PAG1: variants seen among roughly 807,000 people sequenced by gnomAD.
PAG1 encodes phosphoprotein membrane anchor with glycosphingolipid microdomains 1, also known as phosphoprotein associated with glycosphingolipid-enriched microdomains 1.
Under a neutral mutation model 31.7 loss-of-function variants are expected in PAG1, and 23 were observed. That is an observed-to-expected ratio of 0.73 (90% CI 0.52 to 1.03). PAG1 has a LOEUF of 1.03. Ranked by LOEUF, PAG1 falls within the 50% of genes least tolerant of loss-of-function variation. The probability of loss-of-function intolerance (pLI) is 0.00; values close to 1 mark genes in which losing one functional copy is unlikely to be tolerated. For missense variants in PAG1, 473 were observed against 540.7 expected, an observed-to-expected ratio of 0.87 and a Z score of 1.24; for synonymous variants, 214 against 210.3, an observed-to-expected ratio of 1.02 and a Z score of -0.15.
intron 1 of PAG1, among the ~76,000 whole-genome samples, chr8:81,070,638 G>A (rs1332484003): frequency 6.8e-6 from 1 of 146,304 alleles, no homozygotes; most frequent in Admixed American, 6.9e-5. Context: ...GCCTCAAGAA[G>A]ATGAAAGTCT....
chr8:81,066,135 C>T (rs1372424322), intron 2 of PAG1, among the ~76,000 whole-genome samples: 2 of 152,184 alleles, frequency 1.3e-5, no homozygotes, highest in Non-Finnish European at 2.9e-5. Flanking sequence ...TTGGTGTCAA[C>T]AAGAGATTGT....
intron 3 of PAG1, among the ~76,000 whole-genome samples, chr8:81,024,748 C>A (rs189538583): frequency 1.8e-4 from 27 of 152,258 alleles, no homozygotes; most frequent in Admixed American, 3.3e-4. Context: ...TCATAGTTCC[C>A]TTTTCAAACT....
chr8:81,108,975 C>A (rs930513778), intron 1 of PAG1, among the ~76,000 whole-genome samples: 2 of 152,176 alleles, frequency 1.3e-5, no homozygotes, highest in Non-Finnish European at 2.9e-5. Context: ...TTACTGCTGC[C>A]GTGGTGGTTT....
intron 3 of PAG1, among the ~76,000 whole-genome samples, chr8:81,010,571 C>CA (rs1177318652): frequency 1.2e-4 from 18 of 152,146 alleles, no homozygotes; most frequent in Admixed American, 1.3e-4. Context: ...AAAGCTGATC[C>CA]AAAATACATT....
chr8:80,985,378 C>T lies in PAG1; in HGVS notation c.275-1G>A, dbSNP rs373533636. 4 of 1,607,638 alleles carry T rather than the reference C, an allele frequency of 2.5e-6. No homozygotes were observed. Among genetic ancestry groups the T allele is most frequent in the Non-Finnish European group, 3.4e-6 (4 of 1,175,552 alleles). On this transcript the variant is annotated splice_acceptor_variant, in intron 6 of 8. Transcript: ENST00000220597. LOFTEE classifies it high-confidence loss of function. ...GTCAGAGTACTGTCCTCTGAAAGAA[C>T]TAAAGCAGCACACACATTAAAAGCG... is the stretch of plus-strand genomic sequence containing the variant.
chr8:81,021,824 G>C (rs1808177335), intron 3 of PAG1, among the ~76,000 whole-genome samples: 1 of 152,076 alleles, frequency 6.6e-6, no homozygotes, highest in Non-Finnish European at 1.5e-5. Context: ...AAAAAGCAAG[G>C]AATGTAGTAG....
At chr8:81,066,406 G>T (rs1809007725) in intron 2 of PAG1, among the ~76,000 whole-genome samples, 1 of 152,042 alleles carries the variant, frequency 6.6e-6, no homozygotes, top group South Asian at 2.1e-4. Context: ...TTCTTATTGT[G>T]CCTGCACCAC....
intron 8 of PAG1, among the ~76,000 whole-genome samples, chr8:80,978,967 ATCCTT>A (rs1807240706): frequency 6.6e-6 from 1 of 152,082 alleles, no homozygotes; most frequent in South Asian, 2.1e-4. Context: ...TTTCTAATCA[ATCCTT>A]TCCATAACAT....
chr8:81,051,299 T>C (rs1586188980), intron 2 of PAG1, among the ~76,000 whole-genome samples: 1 of 152,222 alleles, frequency 6.6e-6, no homozygotes, highest in Non-Finnish European at 1.5e-5. Context: ...CACAGGCAGG[T>C]GCCCTTTAAA....
At chr8:81,084,816 CTA>C (rs1225015893) in intron 1 of PAG1, among the ~76,000 whole-genome samples, 1 of 152,160 alleles carries the variant, frequency 6.6e-6, no homozygotes, top group East Asian at 1.9e-4. Context: ...AAAATTACAT[CTA>C]TTTTCCTTTA....
intron 4 of PAG1, among the ~76,000 whole-genome samples, chr8:80,992,372 G>A (rs1351258976): frequency 1.3e-4 from 20 of 152,226 alleles, no homozygotes. Context: ...TTCCATGGTG[G>A]AGGGAGAGTT....
chr8:81,042,007 T>G (rs2130838524), intron 2 of PAG1, among the ~76,000 whole-genome samples: 1 of 152,220 alleles, frequency 6.6e-6, no homozygotes, highest in East Asian at 1.9e-4. Flanking sequence ...ACCAAACTTC[T>G]TGTTGTTCAA....
chr8:81,032,890 AAT>A (rs1333032445), intron 2 of PAG1, among the ~76,000 whole-genome samples: 1 of 152,236 alleles, frequency 6.6e-6, no homozygotes, highest in African/African-American at 2.4e-5. Flanking sequence ...TCAGCCATAA[AAT>A]AGAATAAAAT....
chr8:81,048,225 C>T (rs1214727919), intron 2 of PAG1, among the ~76,000 whole-genome samples: 1 of 152,142 alleles, frequency 6.6e-6, no homozygotes, highest in African/African-American at 2.4e-5. Context: ...TTTCCTTCTG[C>T]TCTTAGATTC....
At chr8:81,031,961 C>T (rs377294903) in intron 2 of PAG1, among the ~76,000 whole-genome samples, 23 of 152,062 alleles carry the variant, frequency 1.5e-4, no homozygotes, top group South Asian at 2.1e-4. Context: ...GACTATTCAA[C>T]GGGGAAAGAA....
intron 5 of PAG1, among the ~76,000 whole-genome samples, chr8:80,988,961 CT>C (rs1807482104): frequency 6.6e-6 from 1 of 152,208 alleles, no homozygotes; most frequent in Admixed American, 6.5e-5. Context: ...GCCCAAATCA[CT>C]GCAAATGTGA....
rs368520916 is a variant in PAG1 at position 80,993,161 on chromosome 8, C to T, written c.67G>A (p.Ala23Thr). ...GTGATGACGAAGAAAATGGCGACAGCAGCCAGACTTCCCCACAGGGTGATC... is the reference window on the plus strand; with the variant it reads ...GTGATGACGAAGAAAATGGCGACAGTAGCCAGACTTCCCCACAGGGTGATC... Reference protein sequence around the residue: ...MQITLWGSLAAVAIFFVITFL... With the variant: ...MQITLWGSLATVAIFFVITFL... The change falls in exon 4 of 9, where the codon GCT (alanine) becomes ACT (threonine). Residue 23 changes from alanine to threonine, a missense_variant. Physicochemically the swap from Ala to Thr is moderately conservative, Grantham distance 58. Transcript: ENST00000220597. 1.7e-5 allele frequency: 27 copies of T among 1,613,642 alleles called. No homozygotes were observed. In the African/African-American group the frequency reaches 2.7e-4, roughly 16 times the overall value.
At chr8:81,014,762 A>G (rs1808043999) in intron 3 of PAG1, among the ~76,000 whole-genome samples, 1 of 152,174 alleles carries the variant, frequency 6.6e-6, no homozygotes, top group Admixed American at 6.5e-5. Context: ...GATCAGAGCC[A>G]CAGTTCTTAA....
At chr8:81,106,210 T>G (rs1006592163) in intron 1 of PAG1, among the ~76,000 whole-genome samples, 1 of 152,070 alleles carries the variant, frequency 6.6e-6, no homozygotes, top group African/African-American at 2.4e-5. Flanking sequence ...CATGCCCAGC[T>G]AATTTTTGTA....
Sources: gnomAD v4.1 joint callset for allele counts (sites outside exome capture counted in the v4.1 genomes callset) on GRCh38, gnomAD v4.1.1 for gene constraint, MANE v1.5 for transcripts, NCBI Gene and HGNC (gene_info 2026-07-23, HGNC 2026-07-21) for gene names.